Variants in RIN3 observed in about 807,000 individuals in gnomAD.
The protein encoded by RIN3 is Ras and Rab interactor 3.
RIN3 carries 54 observed loss-of-function variants against 76.3 expected under a neutral mutation model. The observed-to-expected ratio is 0.71, with a 90% CI of 0.57 to 0.89. RIN3 has a LOEUF of 0.89. RIN3 is among the 40% of genes least tolerant of loss of function. The probability of loss-of-function intolerance (pLI) is 0.00; values close to 1 mark genes in which losing one functional copy is unlikely to be tolerated. For missense variants in RIN3, 1,256 were observed against 1,322.1 expected (o/e 0.95, Z 0.78); for synonymous variants, 576 against 564.0 (o/e 1.02, Z -0.30).
intron 8 of RIN3, 82 bp from the exon 9 acceptor site, chr14:92,684,905 A>T (rs1888793115): frequency 7.0e-7 from 1 of 1,419,826 alleles, no homozygotes; most frequent in South Asian, 1.3e-5. Context: ...GGCTTGGAGG[A>T]GGTGGGTGGG....
At position 92,687,994 on chromosome 14, in the gene RIN3, C is replaced by A; in HGVS notation, c.2700C>A (p.Thr900=). 1 of 1,568,206 alleles carries A rather than the reference C, an allele frequency of 6.4e-7. No individual in the cohort carries two copies. Among genetic ancestry groups the A allele is most frequent in the Non-Finnish European group, 8.6e-7 (1 of 1,158,116 alleles). Reference sequence around the variant, plus strand: ...GGACGCTGGCGTCGCGGGCGGACACCCAGGCCCAGGCGCTGTGCGCGCAGT... The same window carrying A: ...GGACGCTGGCGTCGCGGGCGGACACACAGGCCCAGGCGCTGTGCGCGCAGT... The part of the protein sequence containing the change: ...QARTLASRAD[T]QAQALCAQCA... The change falls in exon 10 of 10, where the codon ACC becomes ACA. Residue 900 remains threonine, a synonymous_variant. Coordinates refer to ENST00000216487, the MANE Select transcript of RIN3 (RefSeq NM_024832.5).
At chr14:92,574,638 C>G (rs1898165125) in intron 2 of RIN3, among the ~76,000 whole-genome samples, 1 of 152,138 alleles carries the variant, frequency 6.6e-6, no homozygotes, top group African/African-American at 2.4e-5. Flanking sequence ...CACTATCTGC[C>G]TAAATAATTT....
At chr14:92,575,028 A>G (rs1485902517) in intron 2 of RIN3, among the ~76,000 whole-genome samples, 1 of 152,110 alleles carries the variant, frequency 6.6e-6, no homozygotes, top group Non-Finnish European at 1.5e-5. Flanking sequence ...TGTTTCCCCC[A>G]TAGGTTTAAG....
chr14:92,547,103 A>G (rs866283838), intron 1 of RIN3, among the ~76,000 whole-genome samples: 1,655 of 82,450 alleles, frequency 0.02, 441 homozygotes, highest in African/African-American at 0.068. Context: ...TTATAATTAA[A>G]TAAATTATCT....
At chr14:92,618,035 G>T (rs35445407) in intron 4 of RIN3, among the ~76,000 whole-genome samples, 13,142 of 152,290 alleles carry the variant, frequency 0.086, 827 homozygotes, top group East Asian at 0.26. Flanking sequence ...TGGGTTAAGA[G>T]AAATGAACCA....
At chr14:92,659,525 G>T in intron 7 of RIN3, 56 bp downstream of exon 7, 1 of 1,477,550 alleles carries the variant, frequency 6.8e-7, no homozygotes, top group South Asian at 1.3e-5. Flanking sequence ...ATGGGTCCAT[G>T]ACCCCACCCT....
At chr14:92,587,993 T>C (rs1884836887) in intron 3 of RIN3, among the ~76,000 whole-genome samples, 1 of 152,112 alleles carries the variant, frequency 6.6e-6, no homozygotes, top group South Asian at 2.1e-4. Context: ...CTGTGTTCTC[T>C]GGAGACGAGG....
chr14:92,614,046 G>A (rs1885854892), intron 3 of RIN3, among the ~76,000 whole-genome samples: 2 of 152,212 alleles, frequency 1.3e-5, no homozygotes, highest in Non-Finnish European at 2.9e-5. Context: ...GGCAGAGCAT[G>A]GTGCCGTGTT....
intron 1 of RIN3, among the ~76,000 whole-genome samples, chr14:92,526,206 A>G (rs1014599444): frequency 2.6e-5 from 4 of 152,240 alleles, no homozygotes; most frequent in African/African-American, 9.6e-5. Flanking sequence ...CTGTAATCCC[A>G]GCACTTTGGG....
At chr14:92,607,086 G>A (rs961682549) in intron 3 of RIN3, among the ~76,000 whole-genome samples, 28 of 152,096 alleles carry the variant, frequency 1.8e-4, no homozygotes, top group Admixed American at 1.8e-3. Flanking sequence ...TTAGAAAATG[G>A]GCAAAACACA....
chr14:92,594,096 C>A (rs1216907879), intron 3 of RIN3, among the ~76,000 whole-genome samples: 1 of 152,074 alleles, frequency 6.6e-6, no homozygotes, highest in Non-Finnish European at 1.5e-5. Context: ...CCAAGATAGA[C>A]CACATCCTGG....
chr14:92,688,369 C>T lies in RIN3; in HGVS notation c.*117C>T. The stretch of plus-strand genomic sequence containing the variant: ...GGGACATGGGCCATTCCATGACGTG[C>T]CCAGGCCAACGTCGCAGGACAGTTG... On this transcript the variant is annotated 3_prime_UTR_variant, in exon 10 of 10. Coordinates refer to ENST00000216487, the MANE Select transcript of RIN3 (RefSeq NM_024832.5). 1.0e-6 allele frequency: 1 copy of T among 968,828 alleles called. No homozygotes were observed. The highest frequency in any genetic ancestry group is 1.5e-6 in the Non-Finnish European group (1 of 676,126). The allele number at this position is 968,828 out of a possible 1,614,324, so 60.0% of individuals were successfully genotyped here. A position where few individuals can be genotyped will look rare whatever the true frequency, so the allele number is the denominator to read the frequency against.
rs1446074697 is a variant in RIN3, at chr14:92,679,438, G to A, written c.2467+2832G>A. 3.3e-5 allele frequency among the ~76,000 whole-genome samples: 5 copies of A among 152,276 alleles called. No individual in the cohort carries two copies. In the East Asian group the frequency reaches 7.7e-4, roughly 23 times the overall value. On this transcript the variant is annotated intron_variant, in intron 8 of 9. Coordinates refer to ENST00000216487, the MANE Select transcript of RIN3 (RefSeq NM_024832.5). ...CCTGCCCTACTTCAATAGTCAGGGT[G>A]TGGGAGGTCACAGCACCTAGGACAG...
At chr14:92,603,361 C>G (rs1309166574) in intron 3 of RIN3, among the ~76,000 whole-genome samples, 2 of 152,206 alleles carry the variant, frequency 1.3e-5, no homozygotes, top group African/African-American at 4.8e-5. Flanking sequence ...CACCCTTCAG[C>G]CCCCTGCCCA....
chr14:92,618,177 T>G (rs983006338), intron 4 of RIN3, among the ~76,000 whole-genome samples: 2 of 152,204 alleles, frequency 1.3e-5, no homozygotes, highest in African/African-American at 4.8e-5. Context: ...GGCTGCAAAC[T>G]CCTGCACGAA....
rs1428735058 is a variant in RIN3, at chr14:92,577,491, T to C, written c.367+14T>C. On this transcript the variant is annotated intron_variant, in intron 3 of 9. Transcript: ENST00000216487. Reference sequence around the variant, plus strand: ...AAGAAAAGTCGAGTAAGTACCCATCTTCTCTGTTTTCACTTTGACCACGCG... The same window carrying C: ...AAGAAAAGTCGAGTAAGTACCCATCCTCTCTGTTTTCACTTTGACCACGCG... 1 of 1,550,798 alleles carries C rather than the reference T, an allele frequency of 6.4e-7. No individual in the cohort carries two copies. The highest frequency in any genetic ancestry group is 1.1e-5 in the South Asian group (1 of 89,374).
At chr14:92,556,045 C>G (rs2140035427) in intron 2 of RIN3, 90 bp downstream of exon 2, 2 of 1,062,820 alleles carry the variant, frequency 1.9e-6, no homozygotes, top group East Asian at 4.8e-5. Context: ...CACAGGGAAG[C>G]AGCTACCATG....
chr14:92,544,289 G>A (rs1897195152), intron 1 of RIN3, among the ~76,000 whole-genome samples: 1 of 149,312 alleles, frequency 6.7e-6, no homozygotes, highest in Non-Finnish European at 1.5e-5. Flanking sequence ...AGGCCACACC[G>A]CACTCTTCCC....
chr14:92,573,626 G>A (rs867342519), intron 2 of RIN3, among the ~76,000 whole-genome samples: 3 of 152,176 alleles, frequency 2.0e-5, no homozygotes, highest in Admixed American at 2.0e-4. Context: ...GGCTCATTAT[G>A]AATAATAAAA....
Sources: gnomAD v4.1 joint callset for allele counts (sites outside exome capture counted in the v4.1 genomes callset) on GRCh38, gnomAD v4.1.1 for gene constraint, MANE v1.5 for transcripts, NCBI Gene and HGNC (gene_info 2026-07-23, HGNC 2026-07-21) for gene names.